The following LIFR variants were observed in gnomAD, a reference collection of about 807,000 sequenced individuals.
LIFR encodes LIF receptor subunit alpha.
In LIFR, 84 loss-of-function variants were observed where a neutral mutation model predicts 122.2. The observed-to-expected ratio is 0.69, with a 90% CI of 0.58 to 0.82. The LOEUF is 0.82. LIFR is among the 40% of genes least tolerant of loss of function. The pLI is 0.00. For missense variants in LIFR, 1,294 were observed against 1,311.6 expected, an observed-to-expected ratio of 0.99 and a Z score of 0.21; for synonymous variants, 422 against 434.7, an observed-to-expected ratio of 0.97 and a Z score of 0.36.
rs1181964986 is a variant in LIFR, at chr5:38,530,649, T to C, written c.-2A>G. 7 of 1,613,748 alleles carry C rather than the reference T, an allele frequency of 4.3e-6. No individual in the cohort carries two copies. The highest frequency in any genetic ancestry group is 2.7e-5 in the African/African-American group (2 of 74,916). On this transcript the variant is annotated 5_prime_UTR_variant, in exon 2 of 20. Coordinates refer to ENST00000453190, the MANE Select transcript of LIFR (RefSeq NM_001127671.2). ...CAAACATACGTAAATATCCATCATCTGTGCAATGCAGTCAGTCCTAGGTTA... is the reference window on the plus strand; with the variant it reads ...CAAACATACGTAAATATCCATCATCCGTGCAATGCAGTCAGTCCTAGGTTA...
At chr5:38,510,381 C>A (rs1745731147) in intron 7 of LIFR, 83 bp downstream of exon 7, 15 of 1,159,672 alleles carry the variant, frequency 1.3e-5, no homozygotes, top group South Asian at 1.0e-4. Context: ...CTCCTCCCAC[C>A]CCCCCACTCC....
Position 38,525,034 on chromosome 5 carries a change from A to G in LIFR, c.398-1452T>C, listed in dbSNP as rs118147125. On this transcript the variant is annotated intron_variant, in intron 4 of 19. Transcript: ENST00000453190. Reference sequence around the variant, plus strand: ...AGTGGGCTCTGAAGCTGCATTACAAAAGGTAAAAGAGAAAAAAATCCATGC... The same window carrying G: ...AGTGGGCTCTGAAGCTGCATTACAAGAGGTAAAAGAGAAAAAAATCCATGC... 7.1e-3 allele frequency among the ~76,000 whole-genome samples: 1,085 copies of G among 152,320 alleles called. 18 individuals carry two copies. The highest frequency in any genetic ancestry group is 0.033 in the Admixed American group (511 of 15,294).
chr5:38,503,805 T>C (rs1375099757), intron 10 of LIFR, among the ~76,000 whole-genome samples, 171 bp downstream of exon 10: 1 of 149,194 alleles, frequency 6.7e-6, no homozygotes, highest in African/African-American at 2.4e-5. Context: ...TTTACAATTG[T>C]TTTTCAAATG....
intron 1 of LIFR, among the ~76,000 whole-genome samples, chr5:38,590,504 G>A (rs578242151): frequency 6.6e-6 from 1 of 152,304 alleles, no homozygotes; most frequent in South Asian, 2.1e-4. Context: ...GATATTTTAG[G>A]TAACTAAGGA....
In LIFR at chr5:38,593,924, A is replaced by C. The variant is rs574402694; in HGVS notation, c.-20+1337T>G. 6.6e-5 allele frequency among the ~76,000 whole-genome samples: 10 copies of C among 152,308 alleles called. No homozygotes were observed. In the East Asian group the frequency reaches 1.9e-3, roughly 29 times the overall value. On this transcript the variant is annotated intron_variant, in intron 1 of 19. Transcript: ENST00000263409. ...CCTACAGATCTGTGAGAAATAAATG[A>C]TTTTTGTTTAAGCTACCCAGACTAT...
chr5:38,568,295 G>A (rs1431602126), intron 1 of LIFR, among the ~76,000 whole-genome samples: 1 of 152,150 alleles, frequency 6.6e-6, no homozygotes, highest in African/African-American at 2.4e-5. Context: ...AGTTGGAGGA[G>A]GCCTTCTTGA....
At chr5:38,537,184 T>G (rs1747334799) in intron 1 of LIFR, among the ~76,000 whole-genome samples, 1 of 152,182 alleles carries the variant, frequency 6.6e-6, no homozygotes, top group South Asian at 2.1e-4. Context: ...CTCCACTGTT[T>G]CAACACACAG....
chr5:38,528,641 A>C (rs1486620177), intron 3 of LIFR, 85 bp downstream of exon 3: 3 of 833,340 alleles, frequency 3.6e-6, no homozygotes, highest in Non-Finnish European at 6.1e-6. Context: ...ATAACCCTTT[A>C]GTTTCACAAG....
intron 1 of LIFR, among the ~76,000 whole-genome samples, chr5:38,582,759 G>A (rs574600543): frequency 1.3e-5 from 2 of 152,132 alleles, no homozygotes; most frequent in Non-Finnish European, 2.9e-5. Context: ...CACTGGCACT[G>A]TCTTAGTTTC....
rs769155604 is a variant in LIFR, at chr5:38,527,249, T to C, written c.303A>G (p.Pro101=). The change falls in exon 4 of 20, where the codon CCA becomes CCG. Residue 101 remains proline (P), a synonymous_variant. Transcript: ENST00000453190. ...TTTCATAATCACCATGTGAAAGAGC[T>C]GGAATTTTAATACTGGTTTTCTCCA... ...YQLEKTSIKI[P]ALSHGDYEIT... is the part of the protein sequence containing the mutation. 1.2e-6 allele frequency: 2 copies of C among 1,601,326 alleles called. No homozygotes were observed. Among genetic ancestry groups the C allele is most frequent in the Non-Finnish European group, 1.7e-6 (2 of 1,168,954 alleles).
chr5:38,485,725 G>A (rs1312877119), intron 17 of LIFR, 94 bp downstream of exon 17: 1 of 1,407,294 alleles, frequency 7.1e-7, no homozygotes, highest in African/African-American at 1.4e-5. Flanking sequence ...ATGTTTTTTA[G>A]AAAGGGCGGG....
At chr5:38,508,906 C>T (rs759470556) in intron 7 of LIFR, among the ~76,000 whole-genome samples, 16 of 152,042 alleles carry the variant, frequency 1.1e-4, no homozygotes, top group Non-Finnish European at 1.3e-4. Context: ...CAGTCTTTTC[C>T]GTAAATGGTG....
At chr5:38,580,055 A>G (rs1749530709) in intron 1 of LIFR, among the ~76,000 whole-genome samples, 1 of 152,152 alleles carries the variant, frequency 6.6e-6, no homozygotes. Context: ...TTTTTTCCCC[A>G]TTTATGGGAA....
intron 3 of LIFR, among the ~76,000 whole-genome samples, chr5:38,528,411 C>CACA (rs1284763189): frequency 6.6e-6 from 1 of 152,196 alleles, no homozygotes; most frequent in Non-Finnish European, 1.5e-5. Context: ...CTAAGACCGT[C>CACA]CTTCCCTGCC....
intron 1 of LIFR, chr5:38,579,301 G>A (rs1228760363): frequency 6.6e-6 from 1 of 151,828 alleles, no homozygotes; most frequent in Admixed American, 6.6e-5. Flanking sequence ...GCCAAAACAG[G>A]TCACGTGGCC....
At chr5:38,519,261 G>C (rs1015556648) in intron 5 of LIFR, among the ~76,000 whole-genome samples, 6 of 152,138 alleles carry the variant, frequency 3.9e-5, no homozygotes, top group Non-Finnish European at 8.8e-5. Context: ...GACTCACCCA[G>C]AGAAACTTTT....
chr5:38,549,797 C>T (rs536032957), intron 1 of LIFR, among the ~76,000 whole-genome samples: 122 of 150,840 alleles, frequency 8.1e-4, no homozygotes, highest in African/African-American at 2.9e-3. Flanking sequence ...TTTCCACACA[C>T]AAAAAAAAAC....
rs1173756646 is a variant in LIFR at position 38,488,248 on chromosome 5, C to T, written c.2335+830G>A. Among the ~76,000 whole-genome samples, 5 of 152,234 alleles carry T rather than the reference C, an allele frequency of 3.3e-5. No homozygotes were observed. The South Asian group carries it at 1.0e-3, about 32-fold the overall frequency. ...GTTCAGGAAATGCAGAACTTGGGGA[C>T]CGAAGGGGAGGCACACACTTTCTGC... On this transcript the variant is annotated intron_variant, in intron 16 of 19. Transcript: ENST00000453190.
rs139663497 is a variant in LIFR, at chr5:38,518,057, A to C, written c.561+5362T>G. On this transcript the variant is annotated intron_variant, in intron 5 of 19. Transcript: ENST00000453190. ...CCCTTAGGAGTTTGAGGCTGCAGTC[A>C]GCTATATGATCATGCCACTGTACTC... Among the ~76,000 whole-genome samples, 122 of 151,448 alleles carry C rather than the reference A, an allele frequency of 8.1e-4. 3 individuals carry two copies. The East Asian group carries it at 0.024, about 29-fold the overall frequency.
Sources: allele counts gnomAD v4.1 joint callset (sites outside exome capture counted in the v4.1 genomes callset), GRCh38; gene constraint gnomAD v4.1.1; transcripts MANE v1.5; gene names NCBI Gene and HGNC (gene_info 2026-07-23, HGNC 2026-07-21).